STXBP6: variants seen among roughly 807,000 people sequenced by gnomAD.
The protein encoded by STXBP6 is syntaxin-binding protein 6.
Under a neutral mutation model 26.9 loss-of-function variants are expected in STXBP6, and 21 were observed. That is an observed-to-expected ratio of 0.78 (90% CI 0.55 to 1.12). The LOEUF (loss-of-function observed/expected upper bound fraction) is 1.12, where lower values mean the gene tolerates loss of function less well. Among genes scored for constraint, STXBP6 ranks in the 50% most tolerant of loss-of-function variants. The probability of loss-of-function intolerance (pLI) is 0.00; values close to 1 mark genes in which losing one functional copy is unlikely to be tolerated. For synonymous variants in STXBP6, 97 were observed against 92.6 expected (o/e 1.05, Z -0.27); for missense variants, 232 against 257.9 (o/e 0.90, Z 0.69).
intron 2 of STXBP6, among the ~76,000 whole-genome samples, chr14:24,877,691 T>C (rs868738823): frequency 2.6e-5 from 4 of 152,200 alleles, no homozygotes; most frequent in Non-Finnish European, 4.4e-5. Context: ...CACTGATGGA[T>C]AGTGAGTTGT....
chr14:24,951,619 A>G (rs1476367433), intron 2 of STXBP6, among the ~76,000 whole-genome samples: 1 of 152,166 alleles, frequency 6.6e-6, no homozygotes, highest in Non-Finnish European at 1.5e-5. Flanking sequence ...ATTCTCTTAC[A>G]TAGCCCTGAA....
At chr14:24,834,678 G>C (rs754034805) in intron 4 of STXBP6, among the ~76,000 whole-genome samples, 4 of 152,162 alleles carry the variant, frequency 2.6e-5, no homozygotes, top group Non-Finnish European at 5.9e-5. Context: ...CTAGTGATTA[G>C]ACCATTGTAA....
chr14:24,924,599 C>T (rs912439291), intron 2 of STXBP6, among the ~76,000 whole-genome samples: 1 of 152,054 alleles, frequency 6.6e-6, no homozygotes, highest in Non-Finnish European at 1.5e-5. Flanking sequence ...TCGTTTGGTG[C>T]CCATTTGGTG....
intron 5 of STXBP6, chr14:24,816,572 G>A (rs1033114233): frequency 6.6e-6 from 1 of 151,882 alleles, no homozygotes; most frequent in African/African-American, 2.4e-5. Flanking sequence ...TGAGGGAGGG[G>A]AAACCAAAAT....
intron 2 of STXBP6, among the ~76,000 whole-genome samples, chr14:24,935,874 C>T (rs774021289): frequency 2.6e-5 from 4 of 152,198 alleles, no homozygotes; most frequent in Non-Finnish European, 2.9e-5. Flanking sequence ...AACAACTTAA[C>T]ATCCATGCAC....
chr14:24,927,193 G>A (rs745414461), intron 2 of STXBP6, among the ~76,000 whole-genome samples: 1 of 152,182 alleles, frequency 6.6e-6, no homozygotes, highest in African/African-American at 2.4e-5. Flanking sequence ...GTTTATGAAT[G>A]CAGGACTGAT....
At chr14:24,970,575 C>T (rs2073878624) in intron 2 of STXBP6, among the ~76,000 whole-genome samples, 1 of 152,026 alleles carries the variant, frequency 6.6e-6, no homozygotes, top group Admixed American at 6.6e-5. Flanking sequence ...CTTTTTACTG[C>T]AAGGTAGTAT....
chr14:24,873,063 A>G (rs753685981), intron 2 of STXBP6, among the ~76,000 whole-genome samples: 5 of 152,142 alleles, frequency 3.3e-5, no homozygotes, highest in Non-Finnish European at 5.9e-5. Flanking sequence ...TATTCATTCT[A>G]TTCATTTGCT....
At chr14:25,017,005 T>A (rs1172730623) in intron 1 of STXBP6, among the ~76,000 whole-genome samples, 1 of 152,188 alleles carries the variant, frequency 6.6e-6, no homozygotes, top group Non-Finnish European at 1.5e-5. Context: ...TAAACGCTTC[T>A]TAGAAATTAC....
At chr14:24,957,378 G>A (rs1013174411) in intron 2 of STXBP6, among the ~76,000 whole-genome samples, 2 of 152,184 alleles carry the variant, frequency 1.3e-5, no homozygotes, top group Non-Finnish European at 2.9e-5. Flanking sequence ...AATCAAGCTA[G>A]TGGCAAAACT....
intron 2 of STXBP6, among the ~76,000 whole-genome samples, chr14:24,924,423 C>A (rs2072089560): frequency 6.6e-6 from 1 of 152,120 alleles, no homozygotes; most frequent in Non-Finnish European, 1.5e-5. Flanking sequence ...TCACTTCTAA[C>A]CCAGTAATGC....
At chr14:25,048,608 C>T (rs941961975) in intron 1 of STXBP6, among the ~76,000 whole-genome samples, 3 of 152,144 alleles carry the variant, frequency 2.0e-5, no homozygotes, top group Non-Finnish European at 4.4e-5. Context: ...ACACACAAAC[C>T]CAACAGCCAA....
chr14:24,913,648 T>A (rs984253368), intron 2 of STXBP6, among the ~76,000 whole-genome samples: 10 of 152,188 alleles, frequency 6.6e-5, no homozygotes, highest in Non-Finnish European at 1.3e-4. Context: ...CACTAAAAGT[T>A]TTTAAATAGT....
chr14:24,854,029 C>T (rs770347673), intron 4 of STXBP6, among the ~76,000 whole-genome samples: 1 of 152,042 alleles, frequency 6.6e-6, no homozygotes, highest in Non-Finnish European at 1.5e-5. Flanking sequence ...CAATACGTAG[C>T]ACAGTGACTA....
At position 24,992,394 on chromosome 14, in the gene STXBP6, A is replaced by C. The variant is rs974615685; in HGVS notation, c.-32-17544T>G. 2.6e-5 allele frequency among the ~76,000 whole-genome samples: 4 copies of C among 152,260 alleles called. No individual in the cohort carries two copies. The East Asian group carries it at 7.7e-4, about 29-fold the overall frequency. On this transcript the variant is annotated intron_variant, in intron 1 of 5. Coordinates refer to ENST00000323944, the MANE Select transcript of STXBP6 (RefSeq NM_001394410.1). The stretch of plus-strand genomic sequence containing the variant: ...CACATGGTCTCTAAATATCTCAAAC[A>C]AATTTGAAGAAAAAATAAGTAGGAA...
At chr14:24,866,215 A>G (rs963043041) in intron 2 of STXBP6, among the ~76,000 whole-genome samples, 1 of 152,178 alleles carries the variant, frequency 6.6e-6, no homozygotes, top group Non-Finnish European at 1.5e-5. Context: ...TCCTGCTGGT[A>G]GAAGGCCTTT....
intron 2 of STXBP6, among the ~76,000 whole-genome samples, chr14:24,873,193 CT>C (rs1046173358): frequency 3.3e-5 from 5 of 152,100 alleles, no homozygotes; most frequent in African/African-American, 1.2e-4. Context: ...AATGTATCCC[CT>C]GATAAGCTTG....
chr14:25,012,925 T>A (rs2075063460), intron 1 of STXBP6, among the ~76,000 whole-genome samples: 1 of 151,932 alleles, frequency 6.6e-6, no homozygotes, highest in Admixed American at 6.6e-5. Flanking sequence ...CAATTTTAGT[T>A]TCAATAAGAA....
At chr14:24,917,254 A>G (rs2071800996) in intron 2 of STXBP6, among the ~76,000 whole-genome samples, 2 of 152,142 alleles carry the variant, frequency 1.3e-5, no homozygotes. Flanking sequence ...CACAAAAACT[A>G]GAAGAAAAGA....
Sources: gnomAD v4.1 joint callset for allele counts (sites outside exome capture counted in the v4.1 genomes callset) on GRCh38, gnomAD v4.1.1 for gene constraint, MANE v1.5 for transcripts, NCBI Gene and HGNC (gene_info 2026-07-23, HGNC 2026-07-21) for gene names.